TLL1: variants seen among roughly 807,000 people sequenced by gnomAD.
TLL1 encodes tolloid like 1, also known as tolloid-like protein 1.
TLL1 carries 49 observed loss-of-function variants against 128.2 expected under a neutral mutation model. That is an observed-to-expected ratio of 0.38 (90% confidence interval 0.30 to 0.48). TLL1 has a LOEUF of 0.48. Among genes scored for constraint, TLL1 ranks in the 20% least tolerant of loss-of-function variants. The probability of loss-of-function intolerance (pLI) is 0.96; values close to 1 mark genes in which losing one functional copy is unlikely to be tolerated. For missense variants in TLL1, 1,123 were observed against 1,242.0 expected, an observed-to-expected ratio of 0.90 and a Z score of 1.44; for synonymous variants, 454 against 418.8, an observed-to-expected ratio of 1.08 and a Z score of -1.03.
intron 12 of TLL1, among the ~76,000 whole-genome samples, chr4:166,054,174 G>A (rs768263125): frequency 7.3e-6 from 1 of 137,362 alleles, no homozygotes; most frequent in Non-Finnish European, 1.6e-5. Context: ...TCCAAACAAG[G>A]CCATATTTCC....
chr4:165,908,729 G>A (rs1732388903), intron 1 of TLL1, among the ~76,000 whole-genome samples: 1 of 152,132 alleles, frequency 6.6e-6, no homozygotes, highest in South Asian at 2.1e-4. Context: ...ACCTGTGATG[G>A]GAAGGGGTAG....
At chr4:166,094,696 A>G (rs180895703) in intron 19 of TLL1, among the ~76,000 whole-genome samples, 15 of 152,136 alleles carry the variant, frequency 9.9e-5, no homozygotes, top group Admixed American at 6.5e-5. Context: ...AGAATTTTTT[A>G]TGTTACTTGT....
At chr4:165,995,426 T>C (rs1046479349) in intron 5 of TLL1, among the ~76,000 whole-genome samples, 2 of 152,152 alleles carry the variant, frequency 1.3e-5, no homozygotes, top group African/African-American at 4.8e-5. Flanking sequence ...ATTACCAACA[T>C]CCCACTCACC....
chr4:165,955,238 AAAAG>A (rs1246375178), intron 1 of TLL1, among the ~76,000 whole-genome samples: 1 of 152,036 alleles, frequency 6.6e-6, no homozygotes, highest in African/African-American at 2.4e-5. Context: ...AATAAAAATA[AAAAG>A]AAAGAAAAAA....
intron 1 of TLL1, among the ~76,000 whole-genome samples, chr4:165,950,231 T>G (rs28869197): frequency 6.6e-6 from 1 of 152,052 alleles, no homozygotes; most frequent in Non-Finnish European, 1.5e-5. Flanking sequence ...TTTATATAGG[T>G]TTTTTTGTTT....
At chr4:165,923,666 A>C (rs1733147995) in intron 1 of TLL1, among the ~76,000 whole-genome samples, 2 of 151,760 alleles carry the variant, frequency 1.3e-5, no homozygotes, top group Non-Finnish European at 2.9e-5. Flanking sequence ...CGATTTCCTG[A>C]CCTTGTGATC....
chr4:165,956,918 T>C (rs1734829038), intron 1 of TLL1, among the ~76,000 whole-genome samples: 1 of 152,002 alleles, frequency 6.6e-6, no homozygotes, highest in African/African-American at 2.4e-5. Flanking sequence ...CTAAAGTACA[T>C]AGCCCACAGA....
rs577804355 is a variant in TLL1, at chr4:165,901,871, C to A, written c.169+27798C>A. 6.6e-5 allele frequency among the ~76,000 whole-genome samples: 10 copies of A among 152,172 alleles called. No homozygotes were observed. The East Asian group carries it at 1.7e-3, about 26-fold the overall frequency. ...CCACCCCTTACCCCAGGTGCTCTGTCCCAGGGAGATGGGAGTTTTATCTAT... is the reference window on the plus strand; with the variant it reads ...CCACCCCTTACCCCAGGTGCTCTGTACCAGGGAGATGGGAGTTTTATCTAT... On this transcript the variant is annotated intron_variant, in intron 1 of 20. Transcript: ENST00000061240.
rs950765673 is a variant in TLL1 at position 166,102,466 on chromosome 4, A to G, written c.*1590A>G. ...ATGTGCCAAGTTCTACTAGAATTCC[A>G]TTTGAAATAGCACCTTCCTTAGGTT... On this transcript the variant is annotated 3_prime_UTR_variant, in exon 21 of 21. Transcript: ENST00000061240. 1.3e-5 allele frequency: 2 copies of G among 152,372 alleles called. No homozygotes were observed. The highest frequency in any genetic ancestry group is 1.5e-5 in the Non-Finnish European group (1 of 67,906). 9.4% of individuals were successfully genotyped at this position (152,372 alleles called of 1,614,324 possible).
At chr4:165,995,598 G>A (rs2111020312) in intron 5 of TLL1, among the ~76,000 whole-genome samples, 1 of 152,266 alleles carries the variant, frequency 6.6e-6, no homozygotes, top group Admixed American at 6.5e-5. Flanking sequence ...CACCTGGTCT[G>A]TTTATACATC....
At position 166,014,481 on chromosome 4, in the gene TLL1, C is replaced by T; in HGVS notation, c.963C>T (p.Gly321=). ...DTILPSRDDN[G]IRPAIGQRTR... is the part of the protein sequence containing the mutation. ...TTCTCCCCTCCCGTGATGATAATGGCATACGTCCTGCAATTGGTCAGCGAA... is the reference window on the plus strand; with the variant it reads ...TTCTCCCCTCCCGTGATGATAATGGTATACGTCCTGCAATTGGTCAGCGAA... The change falls in exon 8 of 21, where the codon GGC becomes GGT. Residue 321 remains glycine (G), a synonymous_variant. Coordinates refer to ENST00000061240, the MANE Select transcript of TLL1 (RefSeq NM_012464.5). The T allele has an allele frequency of 6.2e-7, 1 of 1,612,396 alleles. No homozygotes were observed. The highest frequency in any genetic ancestry group is 8.5e-7 in the Non-Finnish European group (1 of 1,178,788).
At chr4:166,082,877 A>C (rs955194641) in intron 18 of TLL1, among the ~76,000 whole-genome samples, 4 of 151,944 alleles carry the variant, frequency 2.6e-5, no homozygotes, top group Non-Finnish European at 5.9e-5. Context: ...GCGTTTTGCT[A>C]TGTTGGCCAG....
At position 166,043,404 on chromosome 4, in the gene TLL1, C is replaced by A. The variant is rs965932756; in HGVS notation, c.1509C>A (p.Thr503=). The change falls in exon 12 of 21, where the codon ACC becomes ACA. Residue 503 remains threonine, a synonymous_variant. Transcript: ENST00000061240. ...TVSESYHVGL[T]FQSFEIERHD... is the part of the protein sequence containing the mutation. ...CTGAGAGCTACCACGTCGGGCTGAC[C>A]TTTCAGTCCTTTGAGGTAAAGTCTT... 2.5e-5 allele frequency: 41 copies of A among 1,613,940 alleles called. No homozygotes were observed. The highest frequency in any genetic ancestry group is 3.0e-5 in the Non-Finnish European group (35 of 1,179,950).
chr4:165,915,060 G>A (rs568985804), intron 1 of TLL1, among the ~76,000 whole-genome samples: 11 of 152,190 alleles, frequency 7.2e-5, no homozygotes, highest in Middle Eastern at 3.4e-3. Context: ...TGAGTTACCC[G>A]TGGAGTGGGT....
intron 12 of TLL1, among the ~76,000 whole-genome samples, chr4:166,047,463 C>T (rs903269967): frequency 2.7e-5 from 4 of 149,342 alleles, no homozygotes; most frequent in African/African-American, 9.8e-5. Flanking sequence ...CGCACCTGGC[C>T]TCATTTATTA....
intron 1 of TLL1, among the ~76,000 whole-genome samples, chr4:165,960,670 A>G (rs779483939): frequency 1.3e-5 from 2 of 152,216 alleles, no homozygotes; most frequent in Non-Finnish European, 2.9e-5. Flanking sequence ...TTTTCAAATC[A>G]ATAAATGTAA....
At chr4:166,038,833 A>T (rs887934596) in intron 9 of TLL1, among the ~76,000 whole-genome samples, 1 of 152,186 alleles carries the variant, frequency 6.6e-6, no homozygotes, top group African/African-American at 2.4e-5. Flanking sequence ...TATTTAAAAC[A>T]TTTCAACATG....
chr4:165,898,387 A>G (rs1318767514), intron 1 of TLL1, among the ~76,000 whole-genome samples: 1 of 146,372 alleles, frequency 6.8e-6, no homozygotes, highest in Non-Finnish European at 1.5e-5. Flanking sequence ...AGCTCTTATT[A>G]TTTTGAGATA....
intron 1 of TLL1, among the ~76,000 whole-genome samples, chr4:165,946,123 C>T (rs1022649186): frequency 2.0e-5 from 3 of 152,048 alleles, no homozygotes; most frequent in Non-Finnish European, 2.9e-5. Context: ...AGATGACAGC[C>T]AAAGAACTGG....
Sources: allele counts gnomAD v4.1 joint callset (sites outside exome capture counted in the v4.1 genomes callset), GRCh38; gene constraint gnomAD v4.1.1; transcripts MANE v1.5; gene names NCBI Gene and HGNC (gene_info 2026-07-23, HGNC 2026-07-21).